TTC39C: variants seen among roughly 807,000 people sequenced by gnomAD.
The protein encoded by TTC39C is tetratricopeptide repeat domain 39C, also known as tetratricopeptide repeat protein 39C.
A neutral mutation model predicts 76.3 loss-of-function variants in TTC39C; 33 were observed. The ratio of observed to expected loss-of-function variants is 0.43; its 90% CI spans 0.33 to 0.58. The LOEUF is 0.58. Ranked by LOEUF, TTC39C falls within the 20% of genes least tolerant of loss-of-function variation. The pLI, the probability that TTC39C is intolerant of heterozygous loss-of-function variation, is 0.04. For synonymous variants in TTC39C, 254 were observed against 260.6 expected, an observed-to-expected ratio of 0.97 and a Z score of 0.24; for missense variants, 595 against 701.4, an observed-to-expected ratio of 0.85 and a Z score of 1.71.
At chr18:24,079,037 TC>T (rs1398838948) in intron 4 of TTC39C, among the ~76,000 whole-genome samples, 5 of 152,212 alleles carry the variant, frequency 3.3e-5, no homozygotes, top group Admixed American at 3.3e-4. Flanking sequence ...TCATATATTT[TC>T]TGAAATTTTA....
chr18:24,069,220 G>C lies in TTC39C; in HGVS notation c.409G>C (p.Asp137His), dbSNP rs1392336413. 6.2e-7 allele frequency: 1 copy of C among 1,614,100 alleles called. No homozygotes were observed. The highest frequency in any genetic ancestry group is 1.7e-5 in the Admixed American group (1 of 60,010). Residue 137 changes from aspartate to histidine, a missense_variant, in exon 4 of 14, where the codon GAC (aspartate) becomes CAC (histidine). Physicochemically the swap from Asp to His is moderately conservative, Grantham distance 81. Coordinates refer to ENST00000317571, the MANE Select transcript of TTC39C (RefSeq NM_001135993.2). ...GCTTCAGAGGCAGATAATCATAGCT[G>C]ACTGCCAGGTTTACCTGGCTGTGCT... is the stretch of plus-strand genomic sequence containing the variant. ...DRLQRQIIIA[D>H]CQVYLAVLSF...
rs772017313 is a variant in TTC39C at position 24,118,121 on chromosome 18, A to G, written c.1079-4A>G. 6.8e-6 allele frequency: 11 copies of G among 1,611,542 alleles called. No homozygotes were observed. The South Asian group carries it at 7.7e-5, about 11-fold the overall frequency. On this transcript the variant is annotated splice_region_variant and splice_polypyrimidine_tract_variant and intron_variant, in intron 7 of 13. Coordinates refer to ENST00000317571, the MANE Select transcript of TTC39C (RefSeq NM_001135993.2). ...GTCATGTGCTAAAAATATTTCTTTCATAGGTTGGTGCAGCATGATAGAGCT... is the reference window on the plus strand; with the variant it reads ...GTCATGTGCTAAAAATATTTCTTTCGTAGGTTGGTGCAGCATGATAGAGCT...
At chr18:24,095,388 G>C (rs1329324538) in intron 6 of TTC39C, among the ~76,000 whole-genome samples, 2 of 152,202 alleles carry the variant, frequency 1.3e-5, no homozygotes, top group East Asian at 3.8e-4. Flanking sequence ...CACTGGAATA[G>C]CACTTGTAAT....
Position 24,015,052 on chromosome 18 carries a change from C to T in TTC39C, c.167+14C>T, listed in dbSNP as rs1193175631. 1 of 1,420,754 alleles carries T rather than the reference C, an allele frequency of 7.0e-7. No homozygotes were observed. The highest frequency in any genetic ancestry group is 3.0e-5 in the East Asian group (1 of 33,304). 88.0% of individuals were successfully genotyped at this position (1,420,754 alleles called of 1,614,324 possible). A position where few individuals can be genotyped will look rare whatever the true frequency, so the allele number is the denominator to read the frequency against. ...CAAACAATACAGGTGACCCACGCGT[C>T]CCCGATTCCCCAACCCTGCAGCGCG... On this transcript the variant is annotated intron_variant, in intron 1 of 13. Coordinates refer to ENST00000317571, the MANE Select transcript of TTC39C (RefSeq NM_001135993.2).
At chr18:24,071,375 T>C (rs1008777890) in intron 4 of TTC39C, among the ~76,000 whole-genome samples, 1 of 152,252 alleles carries the variant, frequency 6.6e-6, no homozygotes, top group Non-Finnish European at 1.5e-5. Flanking sequence ...CTGAGAATTA[T>C]CAGATAATAG....
chr18:24,087,694 C>G (rs1599312930), intron 6 of TTC39C, among the ~76,000 whole-genome samples: 1 of 150,650 alleles, frequency 6.6e-6, no homozygotes, highest in South Asian at 2.1e-4. Context: ...AAGTGATTCT[C>G]CTGTCTCAGC....
In TTC39C at chr18:24,027,217, G is replaced by A. The variant is rs570585569; in HGVS notation, c.167+12179G>A. 9.2e-5 allele frequency among the ~76,000 whole-genome samples: 14 copies of A among 152,058 alleles called. No individual in the cohort carries two copies. In the East Asian group the frequency reaches 9.7e-4, roughly 11 times the overall value. ...TGAGGCAGGAGAATCGCTTGAACCC[G>A]GGAGGCAGAGCTTGCAGTGACCCGA... is the stretch of plus-strand genomic sequence containing the variant. On this transcript the variant is annotated intron_variant, in intron 1 of 13. Transcript: ENST00000317571.
chr18:24,104,775 C>G (rs756866210), intron 6 of TTC39C, among the ~76,000 whole-genome samples: 5 of 150,510 alleles, frequency 3.3e-5, no homozygotes, highest in Non-Finnish European at 7.4e-5. Context: ...GTCTCTTGTT[C>G]TTTTCCTCTC....
Position 24,022,287 on chromosome 18 carries a change from T to C in TTC39C, c.167+7249T>C, listed in dbSNP as rs1378319914. Among the ~76,000 whole-genome samples the C allele has an allele frequency of 2.6e-5, 4 of 152,182 alleles. No homozygotes were observed. The East Asian group carries it at 7.7e-4, about 29-fold the overall frequency. Reference sequence around the variant, plus strand: ...ACATTCTTTTAAAGGCTCACATCTTTTGCTTTGTGGGCTGGCATTGAGCCA... The same window carrying C: ...ACATTCTTTTAAAGGCTCACATCTTCTGCTTTGTGGGCTGGCATTGAGCCA... On this transcript the variant is annotated intron_variant, in intron 1 of 13. Transcript: ENST00000317571.
intron 1 of TTC39C, among the ~76,000 whole-genome samples, chr18:24,020,974 A>G (rs2083511102): frequency 6.6e-6 from 1 of 152,204 alleles, no homozygotes. Context: ...AACCACTTGT[A>G]GATCCCCAAA....
chr18:24,128,503 T>C (rs1343561258), intron 10 of TTC39C, among the ~76,000 whole-genome samples: 2 of 151,910 alleles, frequency 1.3e-5, no homozygotes, highest in Non-Finnish European at 2.9e-5. Flanking sequence ...TTGGAAATAA[T>C]GGTGTTACTT....
At chr18:24,023,999 T>C (rs1235721153) in intron 1 of TTC39C, among the ~76,000 whole-genome samples, 18 of 11,074 alleles carry the variant, frequency 1.6e-3, no homozygotes, top group African/African-American at 8.0e-3. Context: ...TATATATATA[T>C]ATATATATAT....
intron 6 of TTC39C, among the ~76,000 whole-genome samples, chr18:24,101,629 A>G (rs1264285906): frequency 6.6e-6 from 1 of 151,638 alleles, no homozygotes; most frequent in Non-Finnish European, 1.5e-5. Flanking sequence ...ATTCAGGTCT[A>G]GCAAACATTC....
chr18:24,104,292 C>A (rs1406031481), intron 6 of TTC39C, among the ~76,000 whole-genome samples: 2 of 152,202 alleles, frequency 1.3e-5, no homozygotes, highest in African/African-American at 4.8e-5. Context: ...CCTGTTGCCT[C>A]TGCAGTCTCC....
intron 6 of TTC39C, among the ~76,000 whole-genome samples, chr18:24,088,025 T>A (rs946013390): frequency 1.3e-5 from 2 of 152,214 alleles, no homozygotes; most frequent in African/African-American, 4.8e-5. Flanking sequence ...AGAAATGATG[T>A]TGGTTATCAA....
upstream of TTC39C, chr18:24,012,775 A>G (rs915188291): frequency 6.6e-6 from 1 of 151,944 alleles, no homozygotes; most frequent in Non-Finnish European, 1.5e-5. Context: ...GGAGCCCTCC[A>G]TGCCAATGGC....
At chr18:24,131,138 G>A (rs1431739669) in intron 12 of TTC39C, among the ~76,000 whole-genome samples, 1 of 146,804 alleles carries the variant, frequency 6.8e-6, no homozygotes, top group Non-Finnish European at 1.5e-5. Context: ...GATCTCTGGA[G>A]CTTGAGGTTG....
At chr18:24,031,746 G>A (rs1038235420) in intron 1 of TTC39C, among the ~76,000 whole-genome samples, 27 of 151,934 alleles carry the variant, frequency 1.8e-4, no homozygotes, top group African/African-American at 6.5e-4. Flanking sequence ...TGCATGCCTC[G>A]CCACTAAAAT....
chr18:24,098,295 A>C (rs1358669270), intron 6 of TTC39C, among the ~76,000 whole-genome samples: 1 of 152,044 alleles, frequency 6.6e-6, no homozygotes, highest in East Asian at 1.9e-4. Flanking sequence ...GGTCCAGATG[A>C]GATAAGTACT....
Sources: gnomAD v4.1 joint callset for allele counts (sites outside exome capture counted in the v4.1 genomes callset) on GRCh38, gnomAD v4.1.1 for gene constraint, MANE v1.5 for transcripts, NCBI Gene and HGNC (gene_info 2026-07-23, HGNC 2026-07-21) for gene names.